Variants in GALNT8 observed in about 807,000 individuals in gnomAD.
GALNT8 encodes the protein probable polypeptide N-acetylgalactosaminyltransferase 8.
A neutral mutation model predicts 62.7 loss-of-function variants in GALNT8; 66 were observed. The ratio of observed to expected loss-of-function variants is 1.05; its 90% confidence interval spans 0.86 to 1.29. GALNT8 has a LOEUF of 1.29. Among genes scored for constraint, GALNT8 ranks in the 50% most tolerant of loss-of-function variants. The probability of loss-of-function intolerance (pLI) is 0.00; values close to 1 mark genes in which losing one functional copy is unlikely to be tolerated. For synonymous variants in GALNT8, 288 were observed against 294.3 expected (o/e 0.98, Z 0.22); for missense variants, 771 against 791.8 (o/e 0.97, Z 0.32).
chr12:4,751,965 T>C lies in GALNT8; in HGVS notation c.1173+5707T>C, dbSNP rs576240816. Among the ~76,000 whole-genome samples the C allele has an allele frequency of 1.3e-4, 20 of 152,346 alleles. No homozygotes were observed. In the South Asian group the frequency reaches 3.1e-3, roughly 24 times the overall value. Reference sequence around the variant, plus strand: ...GGTGCATATATATTTAAAATTGTTATAGCCTCTGGCTAAATTGACCCCTTT... The same window carrying C: ...GGTGCATATATATTTAAAATTGTTACAGCCTCTGGCTAAATTGACCCCTTT... On this transcript the variant is annotated intron_variant, in intron 6 of 10. Coordinates refer to ENST00000252318, the MANE Select transcript of GALNT8 (RefSeq NM_017417.2).
chr12:4,761,911 A>C (rs548493001), intron 7 of GALNT8, among the ~76,000 whole-genome samples: 5 of 152,280 alleles, frequency 3.3e-5, no homozygotes, highest in Non-Finnish European at 7.4e-5. Flanking sequence ...AGCCCCCAGA[A>C]AGACAGGGAG....
chr12:4,758,644 GA>G (rs1202869496), intron 6 of GALNT8, among the ~76,000 whole-genome samples: 39 of 54,246 alleles, frequency 7.2e-4, no homozygotes, highest in African/African-American at 1.9e-3. Context: ...GTGTGAGAGA[GA>G]GAGAGAGAGA....
chr12:4,761,728 T>A (rs3782743), intron 7 of GALNT8, among the ~76,000 whole-genome samples: 86,517 of 151,910 alleles, frequency 0.57, 25,088 homozygotes, highest in Admixed American at 0.63. Flanking sequence ...CCAGCCAAGG[T>A]TGGCCTTCTG....
intron 2 of GALNT8, among the ~76,000 whole-genome samples, chr12:4,728,212 TTA>T (rs1046339170): frequency 1.1e-4 from 6 of 56,798 alleles, no homozygotes; most frequent in Non-Finnish European, 1.8e-4. Flanking sequence ...AAAAATTGGC[TTA>T]TTTTTTTTTT....
At chr12:4,762,602 G>T (rs1002455597) in intron 7 of GALNT8, among the ~76,000 whole-genome samples, 22 of 152,142 alleles carry the variant, frequency 1.4e-4, no homozygotes, top group African/African-American at 5.3e-4. Context: ...AAACCTGAGC[G>T]GCCCCACTAT....
At position 4,739,273 on chromosome 12, in the gene GALNT8, G is replaced by C; in HGVS notation, c.620G>C (p.Arg207Pro). 6.2e-7 allele frequency: 1 copy of C among 1,613,658 alleles called. No homozygotes were observed. The highest frequency in any genetic ancestry group is 8.5e-7 in the Non-Finnish European group (1 of 1,179,706). Residue 207 changes from arginine (R) to proline (P), a missense_variant, in exon 3 of 11, where the codon CGG (arginine) becomes CCG (proline). Physicochemically the swap from Arg to Pro is moderately radical, Grantham distance 103. Transcript: ENST00000252318. ...IQRAITSIINRTPSRLLKEII... is the reference protein window; with the variant it reads ...IQRAITSIINPTPSRLLKEII... Reference sequence around the variant, plus strand: ...CGGGCCATCACCAGTATCATCAACCGGACGCCCTCTCGATTGTTGAAGGAA... The same window carrying C: ...CGGGCCATCACCAGTATCATCAACCCGACGCCCTCTCGATTGTTGAAGGAA...
chr12:4,720,842 A>G lies in GALNT8; in HGVS notation c.165A>G (p.Ala55=), dbSNP rs1441822694. 3 of 1,610,112 alleles carry G rather than the reference A, an allele frequency of 1.9e-6. No individual in the cohort carries two copies. The highest frequency in any genetic ancestry group is 2.5e-6 in the Non-Finnish European group (3 of 1,176,478). Residue 55 remains alanine, a synonymous_variant, in exon 1 of 11, where the codon GCA becomes GCG. Coordinates refer to ENST00000252318, the MANE Select transcript of GALNT8 (RefSeq NM_017417.2). ...LPLHLNKRYG[A]VIKRLSHLEV... is the part of the protein sequence containing the mutation. Reference sequence around the variant, plus strand: ...TACATCTGAATAAACGCTACGGGGCAGTGATAAAGAGACTCTCCCACTTGG... The same window carrying G: ...TACATCTGAATAAACGCTACGGGGCGGTGATAAAGAGACTCTCCCACTTGG...
chr12:4,742,647 AG>A (rs1305585765), intron 3 of GALNT8, among the ~76,000 whole-genome samples: 1 of 152,148 alleles, frequency 6.6e-6, no homozygotes, highest in Non-Finnish European at 1.5e-5. Flanking sequence ...GGGTTCCTGG[AG>A]GAGGCAGGCT....
chr12:4,761,537 G>A (rs913432526), intron 7 of GALNT8, among the ~76,000 whole-genome samples: 6 of 152,164 alleles, frequency 3.9e-5, no homozygotes, highest in African/African-American at 1.2e-4. Context: ...TATAAACATA[G>A]CAGGTATGAT....
rs543666971 is a variant in GALNT8, at chr12:4,723,081, T to C, written c.211+2193T>C. On this transcript the variant is annotated intron_variant, in intron 1 of 10. Coordinates refer to ENST00000252318, the MANE Select transcript of GALNT8 (RefSeq NM_017417.2). ...CCTTCCACGTCCTCCTTCATAAGACTCATCATATTTTATTATGGTACAGTT... is the reference window on the plus strand; with the variant it reads ...CCTTCCACGTCCTCCTTCATAAGACCCATCATATTTTATTATGGTACAGTT... 1.9e-4 allele frequency among the ~76,000 whole-genome samples: 29 copies of C among 152,266 alleles called. No homozygotes were observed. In the South Asian group the frequency reaches 6.0e-3, roughly 32 times the overall value.
chr12:4,723,449 C>T (rs745554867), intron 1 of GALNT8, among the ~76,000 whole-genome samples: 1 of 152,190 alleles, frequency 6.6e-6, no homozygotes. Context: ...CCAGACCACA[C>T]CAGGACTGTC....
chr12:4,720,914 GGT>G (rs752821536), intron 1 of GALNT8, 26 bp downstream of exon 1: 30 of 1,404,756 alleles, frequency 2.1e-5, no homozygotes, highest in Non-Finnish European at 2.9e-5. Flanking sequence ...TAACCTGGAA[GGT>G]GTGTGTGTGG....
rs1240224030 is a variant in GALNT8 at position 4,739,337 on chromosome 12, A to T, written c.676+8A>T. 3 of 1,608,068 alleles carry T rather than the reference A, an allele frequency of 1.9e-6. No individual in the cohort carries two copies. The highest frequency in any genetic ancestry group is 2.7e-5 in the African/African-American group (2 of 74,774). Reference sequence around the variant, plus strand: ...ATGATTTCAGCTCAAATGGTGAGCAACGTGATCAAAGAATAATTGTAAAAA... The same window carrying T: ...ATGATTTCAGCTCAAATGGTGAGCATCGTGATCAAAGAATAATTGTAAAAA... On this transcript the variant is annotated splice_region_variant and intron_variant, in intron 3 of 10. Coordinates refer to ENST00000252318, the MANE Select transcript of GALNT8 (RefSeq NM_017417.2).
chr12:4,768,318 C>G (rs1223877228), intron 10 of GALNT8: 14 of 260,922 alleles, frequency 5.4e-5, no homozygotes, highest in Non-Finnish European at 7.6e-6. Context: ...AATAGCTATA[C>G]TTTATCCTAA....
chr12:4,760,342 A>C (rs917798899), intron 6 of GALNT8, among the ~76,000 whole-genome samples: 1 of 152,228 alleles, frequency 6.6e-6, no homozygotes, highest in African/African-American at 2.4e-5. Context: ...ACAGCATGGC[A>C]GCTTCCTTCT....
Position 4,726,951 on chromosome 12 carries a change from C to T in GALNT8, c.509+122C>T. The T allele has an allele frequency of 1.3e-6, 1 of 784,140 alleles. No individual in the cohort carries two copies. Among genetic ancestry groups the T allele is most frequent in the Non-Finnish European group, 2.0e-6 (1 of 488,406 alleles). The allele number at this position is 784,140 out of a possible 1,614,324, so 48.6% of individuals were successfully genotyped here. On this transcript the variant is annotated intron_variant, in intron 2 of 10. Transcript: ENST00000252318. The surrounding 1 kb of genome is among the most constrained non-coding windows in gnomAD (Gnocchi z 4.1). ...TGTTGGGGAAGGGGTTCAGGCTGAG[C>T]AAAGTTGTTGTTTTCAATTTATTTT...
intron 1 of GALNT8, among the ~76,000 whole-genome samples, chr12:4,723,141 T>C (rs1390417169): frequency 6.6e-6 from 1 of 152,196 alleles, no homozygotes; most frequent in African/African-American, 2.4e-5. Context: ...GCTGTTTCCA[T>C]GAACGTCTCA....
chr12:4,746,914 A>G (rs1379368955), intron 6 of GALNT8, among the ~76,000 whole-genome samples: 1 of 152,094 alleles, frequency 6.6e-6, no homozygotes, highest in Non-Finnish European at 1.5e-5. Context: ...AAAGAAAAAG[A>G]AACAATAAAT....
At chr12:4,730,396 T>C (rs1177184575) in intron 2 of GALNT8, among the ~76,000 whole-genome samples, 1 of 152,180 alleles carries the variant, frequency 6.6e-6, no homozygotes, top group Non-Finnish European at 1.5e-5. Context: ...GTATATGGTG[T>C]GAGATAGGGT....
Sources: gnomAD v4.1 joint callset for allele counts (sites outside exome capture counted in the v4.1 genomes callset) on GRCh38, gnomAD v4.1.1 for gene constraint, Gnocchi (gnomAD v3.1) non-coding constraint, MANE v1.5 for transcripts, NCBI Gene and HGNC (gene_info 2026-07-23, HGNC 2026-07-21) for gene names.